Variants in SLC6A20 observed in about 807,000 individuals in gnomAD.
The protein encoded by SLC6A20 is sodium- and chloride-dependent transporter XTRP3.
SLC6A20 carries 73 observed loss-of-function variants against 64.3 expected under a neutral mutation model. The observed-to-expected ratio is 1.14, with a 90% CI of 0.94 to 1.38. SLC6A20 has a LOEUF of 1.38. SLC6A20 is among the 40% of genes most tolerant of loss of function. SLC6A20 has a pLI of 0.00. For missense variants in SLC6A20, 725 were observed against 772.8 expected (o/e 0.94, Z 0.73); for synonymous variants, 347 against 329.6 (o/e 1.05, Z -0.57).
rs773991736 is a variant in SLC6A20 at position 45,775,852 on chromosome 3, C to T, written c.491G>A (p.Gly164Glu). 3.3e-5 allele frequency: 54 copies of T among 1,614,048 alleles called. No homozygotes were observed. The highest frequency in any genetic ancestry group is 4.3e-5 in the Non-Finnish European group (51 of 1,180,038). Residue 164 changes from glycine to glutamate, a missense_variant, in exon 4 of 11, where the codon GGG becomes GAG. Gly to Glu is a moderately conservative substitution (Grantham distance 98). Coordinates refer to ENST00000358525, the MANE Select transcript of SLC6A20 (RefSeq NM_020208.4). The part of the protein sequence containing the change: ...LNISPSLQEN[G>E]GVQWEPALCL... ...CAGCGCCGGCTCCCACTGCACACCC[C>T]CGTTCTCCTGGAGGGACGGCGAGAT...
chr3:45,771,618 C>T, intron 5 of SLC6A20, 160 bp from the exon 6 acceptor site: 1 of 1,139,130 alleles, frequency 8.8e-7, no homozygotes, highest in Admixed American at 2.7e-5. Flanking sequence ...CTGGCCCCAT[C>T]CACTCCCTGG....
chr3:45,781,636 G>A (rs1218124092), intron 2 of SLC6A20, among the ~76,000 whole-genome samples: 1 of 152,144 alleles, frequency 6.6e-6, no homozygotes, highest in Non-Finnish European at 1.5e-5. Flanking sequence ...ACACCTCAGC[G>A]GTGTAAAGAA....
At position 45,763,094 on chromosome 3, in the gene SLC6A20, G is replaced by A. The variant is rs775755600; in HGVS notation, c.1304-22C>T. The A allele has an allele frequency of 2.5e-6, 4 of 1,612,910 alleles. No homozygotes were observed. The African/African-American group carries it at 4.0e-5, about 16-fold the overall frequency. On this transcript the variant is annotated intron_variant, in intron 8 of 10. Transcript: ENST00000358525. Reference sequence around the variant, plus strand: ...AGACCTGGGGGCCACAAGACCAGCTGCTCACCTGCCCGAGACCCCCCCACT... The same window carrying A: ...AGACCTGGGGGCCACAAGACCAGCTACTCACCTGCCCGAGACCCCCCCACT...
In SLC6A20 at chr3:45,770,227, C is replaced by T; in HGVS notation, c.1080G>A (p.Leu360=). Residue 360 remains leucine, a synonymous_variant, in exon 7 of 11, where the codon TTG becomes TTA. Transcript: ENST00000358525. The part of the protein sequence containing the change: ...EMFPQIKNCS[L]ESELDTAVQG... ...ATCTTACCGTGTCTAGCTCCGATTC[C>T]AAGCTGCAGTTTTTGATTTGCGGGA... 1.2e-6 allele frequency: 2 copies of T among 1,614,208 alleles called. No individual in the cohort carries two copies. Among genetic ancestry groups the T allele is most frequent in the Non-Finnish European group, 1.7e-6 (2 of 1,180,026 alleles).
chr3:45,767,047 A>C (rs1575426492), intron 7 of SLC6A20, among the ~76,000 whole-genome samples: 1 of 152,238 alleles, frequency 6.6e-6, no homozygotes, highest in Admixed American at 6.5e-5. Context: ...GGCAGGCTGC[A>C]CTGACTAATA....
Position 45,772,524 on chromosome 3 carries a change from A to G in SLC6A20, c.674T>C (p.Met225Thr), listed in dbSNP as rs1364080178. 2 of 1,613,754 alleles carry G rather than the reference A, an allele frequency of 1.2e-6. No homozygotes were observed. The highest frequency in any genetic ancestry group is 1.7e-5 in the Admixed American group (1 of 59,944). ...LTLHGATNGL[M>T]YMFTPKIEQL... ...CCGTACCTTGGGAGTGAACATGTAC[A>G]TGAGGCCATTGGTGGCTCCGTGGAG... The change falls in exon 5 of 11, where the codon ATG (methionine) becomes ACG (threonine). Residue 225 changes from methionine (M) to threonine (T), a missense_variant. Coordinates refer to ENST00000358525, the MANE Select transcript of SLC6A20 (RefSeq NM_020208.4).
Position 45,796,299 on chromosome 3 carries a change from C to G in SLC6A20, c.121G>C (p.Gly41Arg). Reference protein sequence around the residue: ...FPYLCQMYGGGSFLVPYIIML... With the variant: ...FPYLCQMYGGRSFLVPYIIML... The stretch of plus-strand genomic sequence containing the variant: ...GGGCCGGGGCGCGGTGGGCACTCAC[C>G]TCCGCCGTACATCTGGCACAGGTAC... Residue 41 changes from glycine to arginine, a missense_variant and splice_region_variant, in exon 1 of 11, where the codon GGT becomes CGT. Transcript: ENST00000358525. The G allele has an allele frequency of 6.2e-7, 1 of 1,604,828 alleles. No individual in the cohort carries two copies. Among genetic ancestry groups the G allele is most frequent in the Non-Finnish European group, 8.5e-7 (1 of 1,176,018 alleles).
chr3:45,758,918 G>T lies in SLC6A20; in HGVS notation c.*60C>A. On this transcript the variant is annotated 3_prime_UTR_variant, in exon 11 of 11. Transcript: ENST00000358525. ...GGCTTAAGCATTTGAAAAAGCAGCCGAGGAGTTTCCGCCTGTAAATAGTAT... is the reference window on the plus strand; with the variant it reads ...GGCTTAAGCATTTGAAAAAGCAGCCTAGGAGTTTCCGCCTGTAAATAGTAT... 6.6e-7 allele frequency: 1 copy of T among 1,518,658 alleles called. No individual in the cohort carries two copies. The highest frequency in any genetic ancestry group is 8.8e-7 in the Non-Finnish European group (1 of 1,132,688). 94.1% of individuals were successfully genotyped at this position (1,518,658 alleles called of 1,614,324 possible).
intron 1 of SLC6A20, among the ~76,000 whole-genome samples, chr3:45,791,186 C>T (rs563728012): frequency 3.5e-4 from 53 of 152,292 alleles, no homozygotes; most frequent in African/African-American, 1.1e-3. Flanking sequence ...CTTCCGTCAG[C>T]GTAGTCCCTG....
In SLC6A20 at chr3:45,770,378, A is replaced by T; in HGVS notation, c.936-7T>A. The stretch of plus-strand genomic sequence containing the variant: ...GGTCAGCAGCAGACTCACCCTGCAG[A>T]GCAGACCATCGGATCGACCTTCACT... On this transcript the variant is annotated splice_region_variant and splice_polypyrimidine_tract_variant and intron_variant, in intron 6 of 10. Transcript: ENST00000358525. 6.2e-7 allele frequency: 1 copy of T among 1,613,628 alleles called. No individual in the cohort carries two copies. The highest frequency in any genetic ancestry group is 8.5e-7 in the Non-Finnish European group (1 of 1,179,984).
chr3:45,762,983 C>CCGCGTAGT lies in SLC6A20; in HGVS notation c.1385_1392dup (p.Ala465ThrfsTer25). On this transcript the variant is annotated frameshift_variant, in exon 9 of 11. Transcript: ENST00000358525. LOFTEE classifies it high-confidence loss of function. ...ACGATGAGCAGCAGGGACAGTGTGG[C>CCGCGTAGT]CGCGTAGTCGTTGAATATGTCAAAC... The CCGCGTAGT allele has an allele frequency of 6.2e-7, 1 of 1,614,160 alleles. No individual in the cohort carries two copies. The highest frequency in any genetic ancestry group is 8.5e-7 in the Non-Finnish European group (1 of 1,180,036).
At chr3:45,764,184 G>A (rs1211402747) in intron 8 of SLC6A20, among the ~76,000 whole-genome samples, 1 of 152,182 alleles carries the variant, frequency 6.6e-6, no homozygotes, top group Non-Finnish European at 1.5e-5. Flanking sequence ...AACCATGAGA[G>A]ATGTAATTGG....
chr3:45,762,368 G>A (rs1699699289), intron 9 of SLC6A20, among the ~76,000 whole-genome samples: 1 of 152,190 alleles, frequency 6.6e-6, no homozygotes, highest in Admixed American at 6.5e-5. Flanking sequence ...ACCAGCCCAA[G>A]GGACTCTGAG....
intron 6 of SLC6A20, among the ~76,000 whole-genome samples, chr3:45,770,880 G>A (rs1699850902): frequency 6.6e-6 from 1 of 152,214 alleles, no homozygotes; most frequent in Non-Finnish European, 1.5e-5. Context: ...TTTGGGCAAG[G>A]GGCCACAGAA....
At chr3:45,782,053 G>A in intron 2 of SLC6A20, 30 bp downstream of exon 2, 2 of 1,568,886 alleles carry the variant, frequency 1.3e-6, no homozygotes, top group South Asian at 1.2e-5. Flanking sequence ...GGGTCTCTGG[G>A]TGGGAGAGGA....
chr3:45,756,203 T>C lies in SLC6A20; in HGVS notation c.*2775A>G, dbSNP rs939817202. ...TCTAGGACATTTATCTTTTCACTCC[T>C]GAGGCTACCTGGTATTCAAGGCTTA... On this transcript the variant is annotated 3_prime_UTR_variant, in exon 11 of 11. Transcript: ENST00000358525. 6.6e-6 allele frequency: 1 copy of C among 152,216 alleles called. No individual in the cohort carries two copies. Among genetic ancestry groups the C allele is most frequent in the Non-Finnish European group, 1.5e-5 (1 of 68,038 alleles). The allele number at this position is 152,216 out of a possible 1,614,324, so 9.4% of individuals were successfully genotyped here. A position where few individuals can be genotyped will look rare whatever the true frequency, so the allele number is the denominator to read the frequency against.
intron 1 of SLC6A20, among the ~76,000 whole-genome samples, chr3:45,787,348 C>T (rs1261813199): frequency 3.9e-5 from 6 of 152,174 alleles, no homozygotes; most frequent in East Asian, 1.9e-4. Context: ...TCCCCAGAGC[C>T]GCCTTCTCTG....
At chr3:45,796,035 C>A (rs895586384) in intron 1 of SLC6A20, among the ~76,000 whole-genome samples, 1 of 152,182 alleles carries the variant, frequency 6.6e-6, no homozygotes, top group Non-Finnish European at 1.5e-5. Context: ...CGCAGCCTGG[C>A]CAACAAGGGT....
At chr3:45,771,176 C>T in intron 6 of SLC6A20, 41 bp downstream of exon 6, 1 of 1,613,044 alleles carries the variant, frequency 6.2e-7, no homozygotes. Context: ...CAGCTCAGAG[C>T]TCAGGGAGGC....
Sources: allele counts gnomAD v4.1 joint callset (sites outside exome capture counted in the v4.1 genomes callset), GRCh38; gene constraint gnomAD v4.1.1; transcripts MANE v1.5; gene names NCBI Gene and HGNC (gene_info 2026-07-23, HGNC 2026-07-21).